Variants in BAHCC1 observed in about 807,000 individuals in gnomAD.
BAHCC1 encodes BAH and coiled-coil domain-containing protein 1.
Under a neutral mutation model 88.2 loss-of-function variants are expected in BAHCC1, and 43 were observed. The observed-to-expected ratio is 0.49, with a 90% confidence interval of 0.38 to 0.63. The LOEUF is 0.63. BAHCC1 is among the 20% of genes least tolerant of loss of function. The probability of loss-of-function intolerance (pLI) is 0.00; values close to 1 mark genes in which losing one functional copy is unlikely to be tolerated. For synonymous variants in BAHCC1, 1,510 were observed against 745.5 expected, an observed-to-expected ratio of 2.03 and a Z score of -16.71; for missense variants, 3,023 against 1,654.8, an observed-to-expected ratio of 1.83 and a Z score of -14.34.
chr17:81,418,494 T>G (rs578186401), intron 2 of BAHCC1, among the ~76,000 whole-genome samples: 2 of 152,138 alleles, frequency 1.3e-5, no homozygotes, highest in African/African-American at 4.8e-5. Context: ...GAGCTGCAAC[T>G]TGATGGAGAT....
intron 26 of BAHCC1, 41 bp from the exon 27 acceptor site, chr17:81,462,699 C>T (rs782348286): frequency 1.4e-5 from 10 of 722,216 alleles, no homozygotes; most frequent in South Asian, 7.7e-5. Context: ...TCCCCACAGC[C>T]CCCCGGCCTC....
intron 2 of BAHCC1, among the ~76,000 whole-genome samples, chr17:81,425,754 TGTG>T (rs1204350878): frequency 4.4e-5 from 3 of 67,920 alleles, no homozygotes; most frequent in African/African-American, 6.4e-5. Flanking sequence ...GTTGGTGTGA[TGTG>T]GTTGGTGGTG....
chr17:81,412,070 C>A (rs2063961802), intron 2 of BAHCC1, among the ~76,000 whole-genome samples: 2 of 152,218 alleles, frequency 1.3e-5, no homozygotes, highest in Admixed American at 1.3e-4. Flanking sequence ...ATGGCAGGTC[C>A]CCCGTCCCTG....
chr17:81,427,824 T>C (rs1226224305), intron 3 of BAHCC1, among the ~76,000 whole-genome samples: 1 of 152,222 alleles, frequency 6.6e-6, no homozygotes, highest in East Asian at 1.9e-4. Flanking sequence ...CGTAACTCAA[T>C]GACTGCTGAG....
rs782189813 is a variant in BAHCC1, at chr17:81,444,532, C to T, written c.2476C>T (p.Arg826Cys). The change falls in exon 7 of 28, where the codon CGC becomes TGC. Residue 826 changes from arginine to cysteine, a missense_variant. Arg to Cys is a radical substitution (Grantham distance 180). Coordinates refer to ENST00000675386, the MANE Select transcript of BAHCC1 (RefSeq NM_001377448.1). The part of the protein sequence containing the change: ...HPHPPWLPRT[R>C]SPSLWMGGHS... ...CCATCCCCCCTGGCTGCCCCGCACC[C>T]GCAGCCCCTCCCTGTGGATGGGGGG... 11 of 702,724 alleles carry T rather than the reference C, an allele frequency of 1.6e-5. No homozygotes were observed. The highest frequency in any genetic ancestry group is 6.1e-5 in the South Asian group (4 of 65,094). 43.5% of individuals were successfully genotyped at this position (702,724 alleles called of 1,614,324 possible).
In BAHCC1 at chr17:81,434,741, G is replaced by A. The variant is rs921844489; in HGVS notation, c.359-3629G>A. 6.6e-6 allele frequency among the ~76,000 whole-genome samples: 1 copy of A among 151,886 alleles called. No homozygotes were observed. Among genetic ancestry groups the A allele is most frequent in the Admixed American group, 6.6e-5 (1 of 15,262 alleles). On this transcript the variant is annotated intron_variant, in intron 3 of 27. Transcript: ENST00000675386. This position sits in a 1 kb window ranked among gnomAD's most constrained non-coding sequence, Gnocchi z 4.9. The stretch of plus-strand genomic sequence containing the variant: ...GGCAGGGATGCTCCCTGGAAGGGCA[G>A]CCTGGGGGGTGGGTTGTGGCCACCT...
At chr17:81,437,734 G>A (rs1388364609) in intron 3 of BAHCC1, among the ~76,000 whole-genome samples, 1 of 152,142 alleles carries the variant, frequency 6.6e-6, no homozygotes, top group Non-Finnish European at 1.5e-5. Context: ...ATGACTCGGA[G>A]TCACCGCCTG....
intron 3 of BAHCC1, among the ~76,000 whole-genome samples, chr17:81,432,544 A>ACCCTCCCTC (rs2064272986): frequency 0.02 from 272 of 13,612 alleles, 4 homozygotes; most frequent in Middle Eastern, 0.056. Flanking sequence ...CCCACCCATC[A>ACCCTCCCTC]CCAGGCCCAC....
chr17:81,451,710 C>T lies in BAHCC1; in HGVS notation c.4019C>T (p.Ala1340Val). ...DVLAFNLQHL[A>V]TLATAWSLVE... ...CTAGCCTTCAACCTGCAGCACCTGGCCACGCTGGCCACAGCCTGGTCCCTG... is the reference window on the plus strand; with the variant it reads ...CTAGCCTTCAACCTGCAGCACCTGGTCACGCTGGCCACAGCCTGGTCCCTG... The change falls in exon 12 of 28, where the codon GCC (alanine) becomes GTC (valine). Residue 1340 changes from alanine (A) to valine (V), a missense_variant. Physicochemically the swap from Ala to Val is moderately conservative, Grantham distance 64. Coordinates refer to ENST00000675386, the MANE Select transcript of BAHCC1 (RefSeq NM_001377448.1). 1 of 776,786 alleles carries T rather than the reference C, an allele frequency of 1.3e-6. No homozygotes were observed. Among genetic ancestry groups the T allele is most frequent in the Non-Finnish European group, 2.4e-6 (1 of 417,724 alleles). The allele number at this position is 776,786 out of a possible 1,614,324, so 48.1% of individuals were successfully genotyped here.
intron 2 of BAHCC1, chr17:81,407,079 G>A (rs1437575636): frequency 2.3e-6 from 1 of 435,860 alleles, no homozygotes. Flanking sequence ...GAGGCTGGCC[G>A]GAAGTGCTGC....
intron 2 of BAHCC1, among the ~76,000 whole-genome samples, chr17:81,407,738 G>A (rs1209615238): frequency 6.6e-6 from 1 of 152,196 alleles, no homozygotes; most frequent in Non-Finnish European, 1.5e-5. Context: ...ATCCCAGCGG[G>A]GTCTAGCCAC....
rs2064490737 is a variant in BAHCC1 at position 81,444,731 on chromosome 17, C to G, written c.2576C>G (p.Pro859Arg). The G allele has an allele frequency of 6.4e-6, 5 of 778,468 alleles. No individual in the cohort carries two copies. Among genetic ancestry groups the G allele is most frequent in the Non-Finnish European group, 1.2e-5 (5 of 417,672 alleles). The allele number at this position is 778,468 out of a possible 1,614,324, so 48.2% of individuals were successfully genotyped here. ...GGCTTCCCCGCCTCCGTGGCTGGCCCTGTGCCCTCTGTCTTCCCCCTCCCA... is the reference window on the plus strand; with the variant it reads ...GGCTTCCCCGCCTCCGTGGCTGGCCGTGTGCCCTCTGTCTTCCCCCTCCCA... ...PPGFPASVAG[P>R]VPSVFPLPQD... is the part of the protein sequence containing the mutation. The change falls in exon 8 of 28, where the codon CCT (proline) becomes CGT (arginine). Residue 859 changes from proline (P) to arginine (R), a missense_variant. Physicochemically the swap from Pro to Arg is moderately radical, Grantham distance 103. Coordinates refer to ENST00000675386, the MANE Select transcript of BAHCC1 (RefSeq NM_001377448.1).
intron 2 of BAHCC1, chr17:81,421,849 T>C: frequency 3.9e-6 from 1 of 258,898 alleles, no homozygotes; most frequent in Non-Finnish European, 8.2e-6. Context: ...GGGTCTCTCA[T>C]GGTAGGCTCA....
Position 81,434,513 on chromosome 17 carries a change from T to C in BAHCC1, c.359-3857T>C, listed in dbSNP as rs782586163. ...AGGTGTGCTTCAGCACCCCCAGAAGTTTGCTGAGCCTGCAGCATCCTGGCC... is the reference window on the plus strand; with the variant it reads ...AGGTGTGCTTCAGCACCCCCAGAAGCTTGCTGAGCCTGCAGCATCCTGGCC... On this transcript the variant is annotated intron_variant, in intron 3 of 27. Transcript: ENST00000675386. The surrounding 1 kb of genome is among the most constrained non-coding windows in gnomAD (Gnocchi z 4.9). Among the ~76,000 whole-genome samples the C allele has an allele frequency of 7.9e-5, 12 of 151,886 alleles. No individual in the cohort carries two copies. The highest frequency in any genetic ancestry group is 3.3e-4 in the Admixed American group (5 of 15,274).
Position 81,435,876 on chromosome 17 carries a change from G to A in BAHCC1, c.359-2494G>A, listed in dbSNP as rs1184236518. 6.6e-6 allele frequency among the ~76,000 whole-genome samples: 1 copy of A among 152,134 alleles called. No homozygotes were observed. The highest frequency in any genetic ancestry group is 1.5e-5 in the Non-Finnish European group (1 of 68,030). The stretch of plus-strand genomic sequence containing the variant: ...TCCCCGGCCCAGCCACAGCAGCCCT[G>A]CCTTCTGGCTTCTGGCCTCAGAACA... On this transcript the variant is annotated intron_variant, in intron 3 of 27. Transcript: ENST00000675386. This position sits in a 1 kb window ranked among gnomAD's most constrained non-coding sequence, Gnocchi z 4.4.
chr17:81,461,872 C>A lies in BAHCC1; in HGVS notation c.7209C>A (p.Gly2403=), dbSNP rs1402058665. ...SRATVAGTGA[G]SGPSSSSKSK... is the part of the protein sequence containing the mutation. The stretch of plus-strand genomic sequence containing the variant: ...CCACGGTGGCTGGCACCGGTGCGGG[C>A]TCAGGCCCCAGCAGCAGCAGCAAAT... Residue 2403 remains glycine (G), a synonymous_variant, in exon 26 of 28, where the codon GGC becomes GGA. Coordinates refer to ENST00000675386, the MANE Select transcript of BAHCC1 (RefSeq NM_001377448.1). 1 of 725,008 alleles carries A rather than the reference C, an allele frequency of 1.4e-6. No homozygotes were observed. Among genetic ancestry groups the A allele is most frequent in the South Asian group, 1.5e-5 (1 of 68,170 alleles). The allele number at this position is 725,008 out of a possible 1,614,324, so 44.9% of individuals were successfully genotyped here.
At chr17:81,439,263 G>A (rs1022540496) in intron 4 of BAHCC1, among the ~76,000 whole-genome samples, 17 of 152,208 alleles carry the variant, frequency 1.1e-4, no homozygotes, top group African/African-American at 4.1e-4. Flanking sequence ...TTCTCCTTGG[G>A]GTGACACCAG....
chr17:81,420,572 G>T (rs1568004617), intron 2 of BAHCC1, among the ~76,000 whole-genome samples: 2 of 152,250 alleles, frequency 1.3e-5, no homozygotes, highest in Admixed American at 1.3e-4. Flanking sequence ...AGCCCTCCTG[G>T]TGTTGCTGTC....
intron 2 of BAHCC1, among the ~76,000 whole-genome samples, chr17:81,419,672 C>T (rs960485745): frequency 2.6e-5 from 4 of 151,840 alleles, no homozygotes; most frequent in Non-Finnish European, 4.4e-5. Flanking sequence ...CCGCCAGACT[C>T]GGAGCCGGGG....
Sources: allele counts gnomAD v4.1 joint callset (sites outside exome capture counted in the v4.1 genomes callset), GRCh38; gene constraint gnomAD v4.1.1; non-coding constraint Gnocchi (gnomAD v3.1); transcripts MANE v1.5; gene names NCBI Gene and HGNC (gene_info 2026-07-23, HGNC 2026-07-21).